The following SLC22A25 variants were observed in gnomAD, a reference collection of about 807,000 sequenced individuals.
The protein encoded by SLC22A25 is MGI:2442751, MGI:2385316, MGI:3042283, MGI:3645714, MGI:3605624, MGI:2442750.
Under a neutral mutation model 45.9 loss-of-function variants are expected in SLC22A25, and 44 were observed. That is an observed-to-expected ratio of 0.96 (90% CI 0.75 to 1.23). The LOEUF is 1.23. Among genes scored for constraint, SLC22A25 ranks in the 50% most tolerant of loss-of-function variants. SLC22A25 has a pLI of 0.00. For missense variants in SLC22A25, 800 were observed against 666.4 expected (o/e 1.20, Z -2.21); for synonymous variants, 283 against 238.6 (o/e 1.19, Z -1.72).
chr11:63,207,987 A>T (rs1007837001), intron 7 of SLC22A25: 6 of 152,220 alleles, frequency 3.9e-5, no homozygotes, highest in African/African-American at 1.2e-4. Context: ...TGCTAATCTG[A>T]CTGGGCCAGC....
At chr11:63,236,876 A>C (rs907921238) in intron 3 of SLC22A25, among the ~76,000 whole-genome samples, 3 of 152,094 alleles carry the variant, frequency 2.0e-5, no homozygotes, top group Non-Finnish European at 4.4e-5. Flanking sequence ...TCATCTTCTA[A>C]CTATCTACCG....
chr11:63,223,653 AT>A (rs1565119447), intron 5 of SLC22A25, among the ~76,000 whole-genome samples: 1 of 151,264 alleles, frequency 6.6e-6, no homozygotes, highest in Non-Finnish European at 1.5e-5. Flanking sequence ...TCTTCTGTTA[AT>A]TTTTGATTTA....
At chr11:63,166,721 T>C in intron 9 of SLC22A25, 1 of 994,768 alleles carries the variant, frequency 1.0e-6, no homozygotes, top group Non-Finnish European at 1.2e-6. Flanking sequence ...TACAACTTAT[T>C]GGGTACAGAT....
At chr11:63,221,999 T>C (rs2089863800) in intron 5 of SLC22A25, among the ~76,000 whole-genome samples, 1 of 152,136 alleles carries the variant, frequency 6.6e-6, no homozygotes, top group South Asian at 2.1e-4. Context: ...GCATGTGTTT[T>C]TATGCCAGTA....
At chr11:63,210,092 C>T (rs1052773401) in intron 7 of SLC22A25, among the ~76,000 whole-genome samples, 15 of 152,120 alleles carry the variant, frequency 9.9e-5, no homozygotes, top group South Asian at 2.1e-4. Context: ...AAAGGCTTTG[C>T]GAGGCATATA....
chr11:63,185,575 G>A (rs1312064929), intron 7 of SLC22A25, among the ~76,000 whole-genome samples: 5 of 147,968 alleles, frequency 3.4e-5, no homozygotes, highest in Admixed American at 2.7e-4. Flanking sequence ...TAAGTTTTAG[G>A]GTACATGTGC....
chr11:63,198,507 G>A (rs527767593), intron 7 of SLC22A25, among the ~76,000 whole-genome samples: 1 of 152,226 alleles, frequency 6.6e-6, no homozygotes, highest in Non-Finnish European at 1.5e-5. Flanking sequence ...ACTCATAGGT[G>A]GTAATCGAAC....
intron 9 of SLC22A25, among the ~76,000 whole-genome samples, chr11:63,178,542 T>C (rs2088202957): frequency 6.6e-6 from 1 of 152,034 alleles, no homozygotes; most frequent in South Asian, 2.1e-4. Context: ...GTGGTTTTAA[T>C]TTACATTTTT....
chr11:63,173,537 T>C (rs1297272047), intron 9 of SLC22A25, among the ~76,000 whole-genome samples: 1 of 152,142 alleles, frequency 6.6e-6, no homozygotes, highest in Non-Finnish European at 1.5e-5. Context: ...CAGTCACCCT[T>C]GACACAGTTT....
chr11:63,229,608 T>A lies in SLC22A25; in HGVS notation c.45A>T (p.Arg15Ser). Residue 15 changes from arginine to serine, a missense_variant, in exon 4 of 12, where the codon AGA (arginine) becomes AGT (serine). By Grantham distance (110) the Arg-to-Ser change is moderately radical. Transcript: ENST00000306494. Reference protein sequence around the residue: ...DLLDQVGGLGRFQILQMVFLI... With the variant: ...DLLDQVGGLGSFQILQMVFLI... ...GGAAAACCATCTGAAGGATCTGGAA[T>A]CTCCCCAGGCCTCCAACTTGATCTA... 6.2e-7 allele frequency: 1 copy of A among 1,612,648 alleles called. No homozygotes were observed. Among genetic ancestry groups the A allele is most frequent in the Non-Finnish European group, 8.5e-7 (1 of 1,178,784 alleles).
At chr11:63,166,316 A>G in intron 9 of SLC22A25, 58 bp from the exon 10 acceptor site, 4 of 1,583,932 alleles carry the variant, frequency 2.5e-6, no homozygotes, top group Non-Finnish European at 3.4e-6. Context: ...AATCCTACAA[A>G]TGAGAATAAT....
intron 7 of SLC22A25, among the ~76,000 whole-genome samples, chr11:63,196,567 G>A (rs1345560343): frequency 8.6e-5 from 13 of 152,018 alleles, no homozygotes; most frequent in Non-Finnish European, 1.6e-4. Context: ...CCTTCATGCT[G>A]AAAACTCTCA....
At chr11:63,203,855 A>C (rs1161355004) in intron 7 of SLC22A25, among the ~76,000 whole-genome samples, 1 of 152,182 alleles carries the variant, frequency 6.6e-6, no homozygotes, top group African/African-American at 2.4e-5. Context: ...ACAGATAAGC[A>C]TCAGATTCAG....
intron 5 of SLC22A25, among the ~76,000 whole-genome samples, chr11:63,225,388 T>G (rs1195674806): frequency 6.6e-6 from 1 of 152,210 alleles, no homozygotes; most frequent in African/African-American, 2.4e-5. Flanking sequence ...GAAGGATATT[T>G]TTGCCAAATA....
chr11:63,234,244 G>T (rs2090123989), intron 3 of SLC22A25, among the ~76,000 whole-genome samples: 1 of 152,142 alleles, frequency 6.6e-6, no homozygotes, highest in South Asian at 2.1e-4. Context: ...GGGTGTTAAA[G>T]TCTCCCATTA....
intron 5 of SLC22A25, chr11:63,219,972 G>A (rs2089814190): frequency 2.3e-6 from 3 of 1,289,160 alleles, no homozygotes; most frequent in African/African-American, 1.5e-5. Context: ...GGCACCTCAA[G>A]TCCCTCGTCA....
At chr11:63,237,448 G>C (rs2090184238) in intron 3 of SLC22A25, among the ~76,000 whole-genome samples, 1 of 152,144 alleles carries the variant, frequency 6.6e-6, no homozygotes, top group Non-Finnish European at 1.5e-5. Context: ...TTGTGACCTT[G>C]CTTGCCCTTC....
At chr11:63,224,807 AG>A (rs61137318) in intron 5 of SLC22A25, among the ~76,000 whole-genome samples, 152,354 of 152,354 alleles carry the variant, frequency 1, 76,177 homozygotes, top group Non-Finnish European at 1. Flanking sequence ...TATCTTGAAA[AG>A]GTTGTTTTAG....
chr11:63,198,506 T>A (rs1307670429), intron 7 of SLC22A25, among the ~76,000 whole-genome samples: 3 of 151,934 alleles, frequency 2.0e-5, no homozygotes, highest in Non-Finnish European at 1.5e-5. Context: ...CACTCATAGG[T>A]GGTAATCGAA....
Sources: allele counts gnomAD v4.1 joint callset (sites outside exome capture counted in the v4.1 genomes callset), GRCh38; gene constraint gnomAD v4.1.1; transcripts MANE v1.5; gene names NCBI Gene and HGNC (gene_info 2026-07-23, HGNC 2026-07-21).